Variants in NAA60 observed in about 807,000 individuals in gnomAD.
NAA60 encodes N-alpha-acetyltransferase 60, NatF catalytic subunit.
A neutral mutation model predicts 26.1 loss-of-function variants in NAA60; 8 were observed. The ratio of observed to expected loss-of-function variants is 0.31; its 90% CI spans 0.18 to 0.55. The LOEUF (loss-of-function observed/expected upper bound fraction) is 0.55, where lower values mean the gene tolerates loss of function less well. NAA60 is among the 20% of genes least tolerant of loss of function. The pLI is 0.93. For missense variants in NAA60, 290 were observed against 311.3 expected, an observed-to-expected ratio of 0.93 and a Z score of 0.51; for synonymous variants, 131 against 122.5, an observed-to-expected ratio of 1.07 and a Z score of -0.46.
intron 4 of NAA60, among the ~76,000 whole-genome samples, chr16:3,481,056 G>A (rs535343562): frequency 6.6e-6 from 1 of 152,132 alleles, no homozygotes; most frequent in African/African-American, 2.4e-5. Flanking sequence ...GCTTCCTCCT[G>A]AGCTTTTTTC....
chr16:3,472,525 C>G (rs571051582), intron 2 of NAA60: 23 of 152,310 alleles, frequency 1.5e-4, no homozygotes, highest in African/African-American at 5.5e-4. Context: ...CTCTGCCGCC[C>G]AAGTTCAAGC....
chr16:3,456,317 A>C (rs1353850672), intron 2 of NAA60, among the ~76,000 whole-genome samples: 4 of 152,158 alleles, frequency 2.6e-5, no homozygotes, highest in Non-Finnish European at 4.4e-5. Flanking sequence ...CTGCTCCTGG[A>C]CCGCAGACTG....
chr16:3,458,837 C>G (rs1005333846), intron 2 of NAA60, among the ~76,000 whole-genome samples: 1 of 152,178 alleles, frequency 6.6e-6, no homozygotes, highest in African/African-American at 2.4e-5. Flanking sequence ...AGATTGGGTA[C>G]TTCCCAGGGA....
chr16:3,447,794 A>G (rs2034614447), intron 1 of NAA60, among the ~76,000 whole-genome samples: 5 of 152,202 alleles, frequency 3.3e-5, no homozygotes, highest in Admixed American at 3.3e-4. Context: ...TGAAATTAGC[A>G]CAACTTCTAG....
intron 1 of NAA60, 137 bp downstream of exon 1, chr16:3,443,974 A>G: frequency 7.3e-7 from 1 of 1,370,816 alleles, no homozygotes; most frequent in Non-Finnish European, 9.4e-7. Context: ...GGGCCGTGGA[A>G]CATGAAGGAG....
chr16:3,468,996 G>C (rs891519169), intron 2 of NAA60, among the ~76,000 whole-genome samples: 1 of 151,190 alleles, frequency 6.6e-6, no homozygotes, highest in Non-Finnish European at 1.5e-5. Context: ...TGCGGCGTGA[G>C]AATCGCTTGA....
Position 3,461,015 on chromosome 16 carries a change from A to G in NAA60, c.-7+12475A>G, listed in dbSNP as rs564047981. 6.3e-4 allele frequency among the ~76,000 whole-genome samples: 95 copies of G among 149,964 alleles called. 2 individuals are homozygous for G. In the South Asian group the frequency reaches 0.018, roughly 28 times the overall value. ...ATTCCTGGCCTCAAGCCATCCTCCAACCTCAGCCTCCTCAGTCGTTGGGGT... is the reference window on the plus strand; with the variant it reads ...ATTCCTGGCCTCAAGCCATCCTCCAGCCTCAGCCTCCTCAGTCGTTGGGGT... On this transcript the variant is annotated intron_variant, in intron 2 of 7. Transcript: ENST00000407558.
At chr16:3,447,112 A>T (rs7198051) in intron 1 of NAA60, among the ~76,000 whole-genome samples, 2 of 152,100 alleles carry the variant, frequency 1.3e-5, no homozygotes, top group African/African-American at 4.8e-5. Flanking sequence ...AAGTGCTGGG[A>T]TTACAGGCGT....
intron 2 of NAA60, among the ~76,000 whole-genome samples, chr16:3,468,476 C>T (rs2035907249): frequency 6.6e-6 from 1 of 152,334 alleles, no homozygotes; most frequent in African/African-American, 2.4e-5. Flanking sequence ...ACACCAGCCC[C>T]TTCCAGCTAC....
intron 1 of NAA60, among the ~76,000 whole-genome samples, chr16:3,444,211 A>C (rs578038026): frequency 6.6e-6 from 1 of 152,066 alleles, no homozygotes; most frequent in Non-Finnish European, 1.5e-5. Context: ...AGAGCCAGTC[A>C]TTTCCTATTG....
chr16:3,476,054 A>G (rs929378582), intron 2 of NAA60, 168 bp from the exon 3 acceptor site: 10 of 584,588 alleles, frequency 1.7e-5, no homozygotes, highest in Admixed American at 9.6e-5. Flanking sequence ...GGGCGACTGC[A>G]GCGCCTCTTG....
At chr16:3,465,638 G>A (rs1040472569) in intron 2 of NAA60, among the ~76,000 whole-genome samples, 1 of 152,186 alleles carries the variant, frequency 6.6e-6, no homozygotes, top group African/African-American at 2.4e-5. Context: ...GGAGGATGCA[G>A]AGGGATGGAT....
chr16:3,485,013 C>T lies in NAA60; in HGVS notation c.*158C>T, dbSNP rs748884293. 16 of 1,522,242 alleles carry T rather than the reference C, an allele frequency of 1.1e-5. No individual in the cohort carries two copies. The South Asian group carries it at 1.3e-4, about 13-fold the overall frequency. The allele number at this position is 1,522,242 out of a possible 1,614,324, so 94.3% of individuals were successfully genotyped here. A position where few individuals can be genotyped will look rare whatever the true frequency, so the allele number is the denominator to read the frequency against. On this transcript the variant is annotated 3_prime_UTR_variant, in exon 7 of 8. Transcript: ENST00000407558. ...CTGCAGGCCCGGTGCTACACGGGCTCGGGAACAGAACATCGTGGGCATGCG... is the reference window on the plus strand; with the variant it reads ...CTGCAGGCCCGGTGCTACACGGGCTTGGGAACAGAACATCGTGGGCATGCG...
At chr16:3,451,737 A>T (rs886485325) in intron 2 of NAA60, among the ~76,000 whole-genome samples, 30 of 146,662 alleles carry the variant, frequency 2.0e-4, no homozygotes, top group African/African-American at 7.6e-4. Flanking sequence ...GGGCAACATG[A>T]CAAAACCTCG....
rs1356487716 is a variant in NAA60 at position 3,455,430 on chromosome 16, T to A, written c.-7+6890T>A. 3.4e-5 allele frequency among the ~76,000 whole-genome samples: 5 copies of A among 145,466 alleles called. No individual in the cohort carries two copies. In the East Asian group the frequency reaches 1.1e-3, roughly 31 times the overall value. On this transcript the variant is annotated intron_variant, in intron 2 of 7. Transcript: ENST00000407558. ...TTTTGAGACGGAGTCTCGCTCTGTC[T>A]GTCACCCAGGCTGGAGTGCAGTGGC...
chr16:3,471,338 A>G (rs530042974), intron 2 of NAA60, among the ~76,000 whole-genome samples: 1 of 151,978 alleles, frequency 6.6e-6, no homozygotes, highest in South Asian at 2.1e-4. Context: ...CATCTCTACT[A>G]AAAATACCAA....
At chr16:3,475,215 C>G (rs1403451652) in intron 2 of NAA60, among the ~76,000 whole-genome samples, 1 of 151,982 alleles carries the variant, frequency 6.6e-6, no homozygotes, top group Non-Finnish European at 1.5e-5. Flanking sequence ...TCAGCCTCCA[C>G]AGTAACTGGG....
Position 3,485,585 on chromosome 16 carries a change from T to C in NAA60, c.*325T>C. ...GTGGCTGCATTCACTGGGAGGGGCC[T>C]GCCCTCACTGGGCCTCTCCCACTCC... is the stretch of plus-strand genomic sequence containing the variant. On this transcript the variant is annotated 3_prime_UTR_variant, in exon 8 of 8. Transcript: ENST00000407558. 2.2e-6 allele frequency: 1 copy of C among 455,808 alleles called. No individual in the cohort carries two copies. Among genetic ancestry groups the C allele is most frequent in the Non-Finnish European group, 4.4e-6 (1 of 226,486 alleles). The allele number at this position is 455,808 out of a possible 1,614,324, so 28.2% of individuals were successfully genotyped here. A position where few individuals can be genotyped will look rare whatever the true frequency, so the allele number is the denominator to read the frequency against.
intron 2 of NAA60, among the ~76,000 whole-genome samples, chr16:3,459,965 TA>T (rs2035272323): frequency 6.6e-6 from 1 of 152,178 alleles, no homozygotes; most frequent in Non-Finnish European, 1.5e-5. Flanking sequence ...AAAAGATACT[TA>T]CACCTAAAAG....
Sources: gnomAD v4.1 joint callset for allele counts (sites outside exome capture counted in the v4.1 genomes callset) on GRCh38, gnomAD v4.1.1 for gene constraint, MANE v1.5 for transcripts, NCBI Gene and HGNC (gene_info 2026-07-23, HGNC 2026-07-21) for gene names.